PGR: variants seen among roughly 807,000 people sequenced by gnomAD.
The protein encoded by PGR is progesterone receptor.
Under a neutral mutation model 76.1 loss-of-function variants are expected in PGR, and 25 were observed. That is an observed-to-expected ratio of 0.33 (90% CI 0.24 to 0.46). The LOEUF (loss-of-function observed/expected upper bound fraction) is 0.46, where lower values mean the gene tolerates loss of function less well. Among genes scored for constraint, PGR ranks in the 20% least tolerant of loss-of-function variants. The pLI is 1.00. For synonymous variants in PGR, 579 were observed against 535.0 expected (o/e 1.08, Z -1.14); for missense variants, 1,172 against 1,225.3 (o/e 0.96, Z 0.65).
intron 3 of PGR, among the ~76,000 whole-genome samples, chr11:101,088,580 C>T (rs987570970): frequency 2.6e-5 from 4 of 152,186 alleles, no homozygotes; most frequent in South Asian, 2.1e-4. Context: ...GATCCACCTG[C>T]GTTGGCCTCC....
At chr11:101,125,147 C>T (rs1862799312) in intron 2 of PGR, among the ~76,000 whole-genome samples, 1 of 152,076 alleles carries the variant, frequency 6.6e-6, no homozygotes, top group Non-Finnish European at 1.5e-5. Flanking sequence ...TTATAGAATA[C>T]ATTTATTGCT....
At position 101,033,340 on chromosome 11, in the gene PGR, T is replaced by A; in HGVS notation, c.*5776A>T. On this transcript the variant is annotated 3_prime_UTR_variant, in exon 8 of 8. Coordinates refer to ENST00000325455, the MANE Select transcript of PGR (RefSeq NM_000926.4). ...AAGAATATGGTATGTTTGTATTAAC[T>A]CTCCACATACCTTTTTTGGTTATTC... The A allele has an allele frequency of 5.0e-6, 1 of 200,766 alleles. No individual in the cohort carries two copies. Among genetic ancestry groups the A allele is most frequent in the African/African-American group, 2.3e-5 (1 of 43,746 alleles). The allele number at this position is 200,766 out of a possible 1,614,324, so 12.4% of individuals were successfully genotyped here.
intron 3 of PGR, among the ~76,000 whole-genome samples, chr11:101,068,024 T>C (rs1860784361): frequency 6.6e-6 from 1 of 152,052 alleles, no homozygotes; most frequent in Non-Finnish European, 1.5e-5. Context: ...AAGGAAGAAA[T>C]ATGCAATCAA....
intron 3 of PGR, among the ~76,000 whole-genome samples, chr11:101,064,267 G>A (rs1237064007): frequency 1.5e-5 from 2 of 137,018 alleles, no homozygotes; most frequent in African/African-American, 5.5e-5. Context: ...GGAGGCAGAG[G>A]TTGCAGTGAG....
chr11:101,060,399 C>T (rs373106461), intron 4 of PGR, among the ~76,000 whole-genome samples: 10 of 152,126 alleles, frequency 6.6e-5, no homozygotes, highest in African/African-American at 2.4e-4. Context: ...CACCATGAGC[C>T]CAGCCTTGTG....
intron 2 of PGR, among the ~76,000 whole-genome samples, chr11:101,122,116 C>T (rs1862697056): frequency 6.9e-6 from 1 of 144,422 alleles, no homozygotes; most frequent in Non-Finnish European, 1.5e-5. Flanking sequence ...GATCACACCA[C>T]TGCACTCCAG....
rs149015155 is a variant in PGR, at chr11:101,062,326, T to G, written c.2212+121A>C. The G allele has an allele frequency of 1.4e-3, 1,066 of 766,308 alleles. 1 individual carries two copies. Among genetic ancestry groups the G allele is most frequent in the Non-Finnish European group, 1.9e-3 (872 of 456,950 alleles). 47.5% of individuals were successfully genotyped at this position (766,308 alleles called of 1,614,324 possible). ...TATTTTGAACTGCTCAAACACATAC[T>G]ATCACATACTGTTTTATATTGTAGT... On this transcript the variant is annotated intron_variant, in intron 4 of 7. Coordinates refer to ENST00000325455, the MANE Select transcript of PGR (RefSeq NM_000926.4).
chr11:101,099,130 G>A (rs61493400), intron 2 of PGR, among the ~76,000 whole-genome samples: 2,966 of 152,240 alleles, frequency 0.019, 72 homozygotes, highest in African/African-American at 0.055. Flanking sequence ...ATTTATAGCA[G>A]CAGTGTTCAT....
At chr11:101,040,355 T>A (rs1859656246) in intron 7 of PGR, among the ~76,000 whole-genome samples, 1 of 152,064 alleles carries the variant, frequency 6.6e-6, no homozygotes, top group African/African-American at 2.4e-5. Flanking sequence ...TTCTGGGACA[T>A]CACTTTGCAT....
intron 3 of PGR, among the ~76,000 whole-genome samples, chr11:101,064,972 A>G (rs12270547): frequency 0.023 from 3,566 of 152,324 alleles, 108 homozygotes; most frequent in African/African-American, 0.081. Context: ...CCCAGGAGCA[A>G]TGGGCTACAC....
At chr11:101,066,026 C>T (rs1860701453) in intron 3 of PGR, among the ~76,000 whole-genome samples, 1 of 152,202 alleles carries the variant, frequency 6.6e-6, no homozygotes, top group African/African-American at 2.4e-5. Context: ...AATACCAAAT[C>T]TTAGTCCTTC....
chr11:101,101,446 T>G (rs983524955), intron 2 of PGR, among the ~76,000 whole-genome samples: 1 of 152,190 alleles, frequency 6.6e-6, no homozygotes, highest in Admixed American at 6.5e-5. Context: ...CCAGATTGCC[T>G]CTTGGAAGAG....
rs888152329 is a variant in PGR, at chr11:101,036,966, T to C, written c.*2150A>G. 2 of 201,222 alleles carry C rather than the reference T, an allele frequency of 9.9e-6. No individual in the cohort carries two copies. Among genetic ancestry groups the C allele is most frequent in the African/African-American group, 4.6e-5 (2 of 43,602 alleles). The allele number at this position is 201,222 out of a possible 1,614,324, so 12.5% of individuals were successfully genotyped here. A position where few individuals can be genotyped will look rare whatever the true frequency, so the allele number is the denominator to read the frequency against. On this transcript the variant is annotated 3_prime_UTR_variant, in exon 8 of 8. Coordinates refer to ENST00000325455, the MANE Select transcript of PGR (RefSeq NM_000926.4). The stretch of plus-strand genomic sequence containing the variant: ...TAAAGGGCTAATAATATTGTTTTTG[T>C]TTCTTGGGGTTTTTTTTGGATAGAC...
At chr11:101,112,731 C>T (rs934962014) in intron 2 of PGR, among the ~76,000 whole-genome samples, 3 of 152,048 alleles carry the variant, frequency 2.0e-5, no homozygotes, top group Non-Finnish European at 4.4e-5. Flanking sequence ...GCTTCTTTTA[C>T]CCCAGAAATT....
intron 2 of PGR, among the ~76,000 whole-genome samples, chr11:101,105,979 G>A (rs919867358): frequency 5.8e-4 from 89 of 152,260 alleles, no homozygotes; most frequent in African/African-American, 2.1e-3. Flanking sequence ...AATGGGGAAA[G>A]GATTCCCTGT....
intron 3 of PGR, among the ~76,000 whole-genome samples, chr11:101,074,972 A>G (rs1861072294): frequency 6.6e-6 from 1 of 152,190 alleles, no homozygotes; most frequent in Non-Finnish European, 1.5e-5. Context: ...AGAAAAAACT[A>G]CTTTAAATTT....
At chr11:101,099,190 G>A (rs933657154) in intron 2 of PGR, among the ~76,000 whole-genome samples, 2 of 152,220 alleles carry the variant, frequency 1.3e-5, no homozygotes, top group African/African-American at 2.4e-5. Context: ...AGCATAATGT[G>A]TAAACAAATG....
chr11:101,114,400 A>G (rs1199698982), intron 2 of PGR, among the ~76,000 whole-genome samples: 1 of 152,254 alleles, frequency 6.6e-6, no homozygotes, highest in Non-Finnish European at 1.5e-5. Flanking sequence ...AAACCAGAAC[A>G]TCTCAATTCT....
At chr11:101,105,667 C>T (rs911099036) in intron 2 of PGR, among the ~76,000 whole-genome samples, 2 of 151,980 alleles carry the variant, frequency 1.3e-5, no homozygotes, top group Non-Finnish European at 2.9e-5. Flanking sequence ...GTAATTTATA[C>T]ATTCAATGTT....
Sources: gnomAD v4.1 joint callset for allele counts (sites outside exome capture counted in the v4.1 genomes callset) on GRCh38, gnomAD v4.1.1 for gene constraint, MANE v1.5 for transcripts, NCBI Gene and HGNC (gene_info 2026-07-23, HGNC 2026-07-21) for gene names.